Variants in SLC25A21 observed in about 807,000 individuals in gnomAD.
SLC25A21 encodes the protein mitochondrial 2-oxodicarboxylate carrier.
Under a neutral mutation model 43.8 loss-of-function variants are expected in SLC25A21, and 47 were observed. The ratio of observed to expected loss-of-function variants is 1.07; its 90% confidence interval spans 0.85 to 1.37. The LOEUF (loss-of-function observed/expected upper bound fraction) is 1.37, where lower values mean the gene tolerates loss of function less well. Among genes scored for constraint, SLC25A21 ranks in the 40% most tolerant of loss-of-function variants. The probability of loss-of-function intolerance (pLI) is 0.00; values close to 1 mark genes in which losing one functional copy is unlikely to be tolerated. For missense variants in SLC25A21, 352 were observed against 350.2 expected, an observed-to-expected ratio of 1.00 and a Z score of -0.04; for synonymous variants, 131 against 121.3, an observed-to-expected ratio of 1.08 and a Z score of -0.52.
chr14:37,053,280 T>C (rs1023036030), intron 1 of SLC25A21, among the ~76,000 whole-genome samples: 6 of 152,282 alleles, frequency 3.9e-5, no homozygotes, highest in African/African-American at 1.4e-4. Context: ...CAATAAGCCA[T>C]TACTGACATA....
chr14:36,780,290 T>C (rs935332433), intron 3 of SLC25A21, among the ~76,000 whole-genome samples: 3 of 151,998 alleles, frequency 2.0e-5, no homozygotes, highest in African/African-American at 7.2e-5. Context: ...AACTTTGAGC[T>C]TCAATGATCT....
intron 6 of SLC25A21, among the ~76,000 whole-genome samples, chr14:36,713,162 G>A (rs182161754): frequency 1.7e-4 from 26 of 152,300 alleles, no homozygotes; most frequent in African/African-American, 5.3e-4. Flanking sequence ...GAGGAGCTCC[G>A]AGGCCATCTA....
intron 1 of SLC25A21, among the ~76,000 whole-genome samples, chr14:37,074,357 T>C (rs1379903327): frequency 6.6e-6 from 1 of 152,220 alleles, no homozygotes; most frequent in Non-Finnish European, 1.5e-5. Flanking sequence ...CTTGATGGAA[T>C]TAGAAATCAT....
At chr14:37,041,895 G>A (rs1365665850) in intron 1 of SLC25A21, among the ~76,000 whole-genome samples, 2 of 152,178 alleles carry the variant, frequency 1.3e-5, no homozygotes, top group Non-Finnish European at 2.9e-5. Context: ...TCTAAAGATT[G>A]TAAATATTAT....
intron 1 of SLC25A21, among the ~76,000 whole-genome samples, chr14:37,054,170 G>A (rs1961769585): frequency 6.6e-6 from 1 of 152,152 alleles, no homozygotes; most frequent in African/African-American, 2.4e-5. Context: ...TGGAAGACCT[G>A]AGCTGTCCTT....
intron 3 of SLC25A21, among the ~76,000 whole-genome samples, chr14:36,795,990 G>A (rs943963351): frequency 5.3e-5 from 8 of 152,142 alleles, no homozygotes; most frequent in Non-Finnish European, 2.9e-5. Flanking sequence ...AGTTGTTCCA[G>A]CTCATCAAAG....
At chr14:36,802,025 A>G (rs1594600810) in intron 3 of SLC25A21, among the ~76,000 whole-genome samples, 1 of 152,164 alleles carries the variant, frequency 6.6e-6, no homozygotes, top group South Asian at 2.1e-4. Context: ...TTAATGCCTC[A>G]CCTTCAGACA....
At chr14:36,829,569 C>T (rs144825499) in intron 2 of SLC25A21, among the ~76,000 whole-genome samples, 76 of 152,282 alleles carry the variant, frequency 5.0e-4, no homozygotes, top group African/African-American at 1.7e-3. Flanking sequence ...TTCACCCTGC[C>T]CACACCTTTA....
chr14:36,841,210 T>C (rs1249043315), intron 2 of SLC25A21, among the ~76,000 whole-genome samples: 4 of 152,134 alleles, frequency 2.6e-5, no homozygotes, highest in South Asian at 4.1e-4. Flanking sequence ...TTATCCTCTT[T>C]TAAAAAAATC....
In SLC25A21 at chr14:37,100,426, T is replaced by C. The variant is rs146603928; in HGVS notation, c.70+71855A>G. ...TCCTTCTTTGTCCCACTTAACACACTTCAATATAATCATGTGTTCAGGGTT... is the reference window on the plus strand; with the variant it reads ...TCCTTCTTTGTCCCACTTAACACACCTCAATATAATCATGTGTTCAGGGTT... On this transcript the variant is annotated intron_variant, in intron 1 of 9. Coordinates refer to ENST00000331299, the MANE Select transcript of SLC25A21 (RefSeq NM_030631.4). Among the ~76,000 whole-genome samples the C allele has an allele frequency of 4.6e-3, 696 of 152,284 alleles. 5 individuals are homozygous for C. The highest frequency in any genetic ancestry group is 0.016 in the African/African-American group (657 of 41,560).
At chr14:36,778,358 A>G (rs1886914233) in intron 3 of SLC25A21, among the ~76,000 whole-genome samples, 1 of 152,234 alleles carries the variant, frequency 6.6e-6, no homozygotes, top group South Asian at 2.1e-4. Flanking sequence ...TAACAAGACC[A>G]CCAACCTATA....
At chr14:36,757,090 C>A (rs1026823104) in intron 3 of SLC25A21, among the ~76,000 whole-genome samples, 376 of 125,628 alleles carry the variant, frequency 3.0e-3, no homozygotes, top group Middle Eastern at 4.1e-3. Flanking sequence ...CCCATCTTTA[C>A]AAAAAAAAAA....
chr14:36,878,428 T>C (rs1219073385), intron 1 of SLC25A21, among the ~76,000 whole-genome samples: 2 of 152,204 alleles, frequency 1.3e-5, no homozygotes, highest in Non-Finnish European at 2.9e-5. Context: ...GCTGTGACTT[T>C]AATCAGAGTT....
chr14:36,988,571 G>T (rs1960195795), intron 1 of SLC25A21, among the ~76,000 whole-genome samples: 1 of 152,170 alleles, frequency 6.6e-6, no homozygotes, highest in African/African-American at 2.4e-5. Flanking sequence ...GCTGTCTCTA[G>T]GAACACAGAG....
chr14:36,744,385 A>G (rs1194919262), intron 3 of SLC25A21, among the ~76,000 whole-genome samples: 1 of 151,242 alleles, frequency 6.6e-6, no homozygotes, highest in African/African-American at 2.4e-5. Flanking sequence ...ATAAAGCCAC[A>G]TACCTACAAC....
intron 1 of SLC25A21, among the ~76,000 whole-genome samples, chr14:37,045,412 C>A (rs1961566717): frequency 6.6e-6 from 1 of 152,108 alleles, no homozygotes; most frequent in East Asian, 1.9e-4. Context: ...AGATCACATA[C>A]AGTTGAATGA....
intron 2 of SLC25A21, among the ~76,000 whole-genome samples, chr14:36,861,885 T>G (rs1890074478): frequency 6.6e-6 from 1 of 152,056 alleles, no homozygotes; most frequent in Non-Finnish European, 1.5e-5. Flanking sequence ...GAAAAAGAGC[T>G]AACATACAGA....
chr14:36,867,761 T>G lies in SLC25A21; in HGVS notation c.119+7195A>C, dbSNP rs966125861. ...TTTGTCTTTGTATTCCCCCCATTTTTGCTAAACCAGGATTAAACACCATGC... is the reference window on the plus strand; with the variant it reads ...TTTGTCTTTGTATTCCCCCCATTTTGGCTAAACCAGGATTAAACACCATGC... On this transcript the variant is annotated intron_variant, in intron 2 of 9. Transcript: ENST00000331299. 2.2e-4 allele frequency among the ~76,000 whole-genome samples: 34 copies of G among 151,948 alleles called. 1 individual carries two copies. The highest frequency in any genetic ancestry group is 8.0e-4 in the African/African-American group (33 of 41,374).
At chr14:37,156,563 T>G (rs568183908) in intron 1 of SLC25A21, among the ~76,000 whole-genome samples, 56 of 151,722 alleles carry the variant, frequency 3.7e-4, no homozygotes, top group Non-Finnish European at 6.8e-4. Flanking sequence ...ACATATAGAC[T>G]AAAAGTAAAG....
Sources: allele counts gnomAD v4.1 joint callset (sites outside exome capture counted in the v4.1 genomes callset), GRCh38; gene constraint gnomAD v4.1.1; transcripts MANE v1.5; gene names NCBI Gene and HGNC (gene_info 2026-07-23, HGNC 2026-07-21).